The following XPO1 variants were observed in gnomAD, a reference collection of about 807,000 sequenced individuals.
The protein encoded by XPO1 is exportin-1.
In XPO1, 5 loss-of-function variants were observed where a neutral mutation model predicts 133.3. The ratio of observed to expected loss-of-function variants is 0.04; its 90% confidence interval spans 0.02 to 0.08. XPO1 has a LOEUF of 0.08. Ranked by LOEUF, XPO1 falls within the 10% of genes least tolerant of loss-of-function variation. The pLI is 1.00. For missense variants in XPO1, 506 were observed against 1,267.5 expected (o/e 0.40, Z 9.12); for synonymous variants, 419 against 408.2 (o/e 1.03, Z -0.32).
intron 4 of XPO1, among the ~76,000 whole-genome samples, chr2:61,503,188 C>T (rs1697624182): frequency 6.6e-6 from 1 of 152,026 alleles, no homozygotes; most frequent in Non-Finnish European, 1.5e-5. Flanking sequence ...AACTCCTGAC[C>T]TCAAGTGATC....
intron 3 of XPO1, chr2:61,525,168 ATACT>A (rs1440546744): frequency 1.6e-6 from 1 of 623,774 alleles, no homozygotes; most frequent in Admixed American, 6.3e-5. Flanking sequence ...GCCCTTAGAA[ATACT>A]TATTTTATGC....
chr2:61,505,147 A>G (rs1166389552), intron 4 of XPO1, among the ~76,000 whole-genome samples: 1 of 152,120 alleles, frequency 6.6e-6, no homozygotes, highest in Non-Finnish European at 1.5e-5. Context: ...ACTAGCTGGG[A>G]CCACAGGTGC....
chr2:61,507,243 C>CCAAAAAAAA (rs1183390806), intron 4 of XPO1, among the ~76,000 whole-genome samples: 8 of 65,504 alleles, frequency 1.2e-4, no homozygotes. Flanking sequence ...GACTCCATCT[C>CCAAAAAAAA]AAAAAAAAAA....
intron 12 of XPO1, 44 bp from the exon 13 acceptor site, chr2:61,493,097 A>C (rs1389790759): frequency 5.2e-6 from 8 of 1,524,822 alleles, no homozygotes; most frequent in Non-Finnish European, 7.0e-6. Context: ...TCGTTAGATC[A>C]CTGAAATCAT....
At chr2:61,495,418 A>G (rs1697198981) in intron 11 of XPO1, 37 bp downstream of exon 11, 2 of 1,482,582 alleles carry the variant, frequency 1.3e-6, no homozygotes, top group Non-Finnish European at 1.8e-6. Context: ...TAGTAGGCAG[A>G]GCAGAATTTT....
chr2:61,488,829 C>T, intron 17 of XPO1, 58 bp from the exon 18 acceptor site: 1 of 1,573,416 alleles, frequency 6.4e-7, no homozygotes, highest in Non-Finnish European at 8.7e-7. Context: ...CGGCTGGGAA[C>T]AGTGGCTCAC....
intron 17 of XPO1, among the ~76,000 whole-genome samples, chr2:61,489,706 C>T (rs901798669): frequency 2.0e-5 from 3 of 151,340 alleles, no homozygotes; most frequent in African/African-American, 4.8e-5. Flanking sequence ...CAGGCGCCCG[C>T]CGCCACACTC....
In XPO1 at chr2:61,492,855, T is replaced by C. The variant is rs1697060927; in HGVS notation, c.1384+60A>G. 1 of 1,561,620 alleles carries C rather than the reference T, an allele frequency of 6.4e-7. No individual in the cohort carries two copies. Reference sequence around the variant, plus strand: ...GAAACTACAAGTACATTTCCTAAAATGTATTTCCACCCCAGAATAGATTTA... The same window carrying C: ...GAAACTACAAGTACATTTCCTAAAACGTATTTCCACCCCAGAATAGATTTA... On this transcript the variant is annotated intron_variant, in intron 13 of 24. Transcript: ENST00000401558. The surrounding 1 kb of genome is among the most constrained non-coding windows in gnomAD (Gnocchi z 5.6).
rs2104187254 is a variant in XPO1 at position 61,478,521 on chromosome 2, T to G, written c.*299A>C. Reference sequence around the variant, plus strand: ...TTTGCATTAGAATTACAAGTATATGTTCAAATCGAATTTGCCTCCTCCCCC... The same window carrying G: ...TTTGCATTAGAATTACAAGTATATGGTCAAATCGAATTTGCCTCCTCCCCC... On this transcript the variant is annotated 3_prime_UTR_variant, in exon 25 of 25. Transcript: ENST00000401558. 3.0e-6 allele frequency: 1 copy of G among 331,296 alleles called. No individual in the cohort carries two copies. Among genetic ancestry groups the G allele is most frequent in the East Asian group, 4.8e-5 (1 of 20,762 alleles). 20.5% of individuals were successfully genotyped at this position (331,296 alleles called of 1,614,324 possible).
At chr2:61,494,772 GTATATATATATATACTTATGTT>G (rs1382447207) in intron 11 of XPO1, 4 of 147,512 alleles carry the variant, frequency 2.7e-5, no homozygotes, top group African/African-American at 5.0e-5. Context: ...GTGTGTGTGT[GTATATATATATATACTTATGTT>G]TATATATATA....
intron 4 of XPO1, among the ~76,000 whole-genome samples, chr2:61,514,470 G>A (rs1448092832): frequency 6.6e-6 from 1 of 151,726 alleles, no homozygotes; most frequent in Non-Finnish European, 1.5e-5. Context: ...GCACATGCCT[G>A]TAGTCTCAGC....
At position 61,478,142 on chromosome 2, in the gene XPO1, C is replaced by G. The variant is rs1696151189; in HGVS notation, c.*678G>C. On this transcript the variant is annotated 3_prime_UTR_variant, in exon 25 of 25. Coordinates refer to ENST00000401558, the MANE Select transcript of XPO1 (RefSeq NM_003400.4). ...AATGAAGGCTCACAAATGAGCAACA[C>G]TCCTCATTGAGGAAAACAAAAAGCT... The G allele has an allele frequency of 8.6e-6, 2 of 232,062 alleles. No homozygotes were observed. Among genetic ancestry groups the G allele is most frequent in the Middle Eastern group, 1.3e-3 (1 of 796 alleles). The allele number at this position is 232,062 out of a possible 1,614,324, so 14.4% of individuals were successfully genotyped here.
At chr2:61,529,145 C>T (rs899358656) in intron 2 of XPO1, among the ~76,000 whole-genome samples, 14 of 152,194 alleles carry the variant, frequency 9.2e-5, no homozygotes, top group African/African-American at 3.4e-4. Context: ...TGTGATCAAG[C>T]CATTGTGCTC....
Position 61,492,239 on chromosome 2 carries a change from C to A in XPO1, c.1724-41G>T. On this transcript the variant is annotated intron_variant, in intron 15 of 24. Transcript: ENST00000401558. This position sits in a 1 kb window ranked among gnomAD's most constrained non-coding sequence, Gnocchi z 5.6. ...TATTCATTTATTTTGTCCTGGACTC[C>A]ATCATGGGTCTCTAACAAGACAAAA... 5 of 1,603,188 alleles carry A rather than the reference C, an allele frequency of 3.1e-6. No homozygotes were observed. The highest frequency in any genetic ancestry group is 3.4e-6 in the Non-Finnish European group (4 of 1,176,100).
intron 2 of XPO1, among the ~76,000 whole-genome samples, chr2:61,531,367 A>C (rs1699147655): frequency 6.6e-6 from 1 of 152,256 alleles, no homozygotes; most frequent in Non-Finnish European, 1.5e-5. Context: ...AAACAAAAAA[A>C]TTTAGAAACA....
intron 6 of XPO1, among the ~76,000 whole-genome samples, chr2:61,500,577 T>TAAAAA (rs1697457509): frequency 6.8e-5 from 1 of 14,634 alleles, no homozygotes; most frequent in South Asian, 1.8e-3. Context: ...AGACTCCATC[T>TAAAAA]CAAAAAAAAA....
rs1448056083 is a variant in XPO1, at chr2:61,499,042, G to A, written c.591-129C>T. On this transcript the variant is annotated intron_variant, in intron 7 of 24. Coordinates refer to ENST00000401558, the MANE Select transcript of XPO1 (RefSeq NM_003400.4). ...CATGCCTGTAATCGCAGAACTTTGG[G>A]AGGCCATGGCAGAAGGATTGTTTGA... The A allele has an allele frequency of 1.6e-5, 17 of 1,085,258 alleles. No homozygotes were observed. In the Middle Eastern group the frequency reaches 9.3e-4, roughly 59 times the overall value. The allele number at this position is 1,085,258 out of a possible 1,614,324, so 67.2% of individuals were successfully genotyped here. A position where few individuals can be genotyped will look rare whatever the true frequency, so the allele number is the denominator to read the frequency against.
chr2:61,530,029 T>C (rs540767720), intron 2 of XPO1, among the ~76,000 whole-genome samples: 1 of 152,358 alleles, frequency 6.6e-6, no homozygotes, highest in African/African-American at 2.4e-5. Flanking sequence ...AGAATAATGA[T>C]GTGGCTTATC....
At chr2:61,514,585 T>C (rs1698265688) in intron 4 of XPO1, among the ~76,000 whole-genome samples, 1 of 134,966 alleles carries the variant, frequency 7.4e-6, no homozygotes, top group Non-Finnish European at 1.6e-5. Flanking sequence ...AGAGCAAGAC[T>C]CTGTCTTTAA....
Sources: allele counts gnomAD v4.1 joint callset (sites outside exome capture counted in the v4.1 genomes callset), GRCh38; gene constraint gnomAD v4.1.1; non-coding constraint Gnocchi (gnomAD v3.1); transcripts MANE v1.5; gene names NCBI Gene and HGNC (gene_info 2026-07-23, HGNC 2026-07-21).